TSPAN18: variants seen among roughly 807,000 people sequenced by gnomAD.
TSPAN18 encodes tetraspanin-18.
Under a neutral mutation model 27.3 loss-of-function variants are expected in TSPAN18, and 14 were observed. The observed-to-expected ratio is 0.51, with a 90% CI of 0.34 to 0.80. The LOEUF is 0.80. Ranked by LOEUF, TSPAN18 falls within the 30% of genes least tolerant of loss-of-function variation. The pLI is 0.01. For missense variants in TSPAN18, 268 were observed against 323.9 expected, an observed-to-expected ratio of 0.83 and a Z score of 1.32; for synonymous variants, 143 against 136.5, an observed-to-expected ratio of 1.05 and a Z score of -0.33.
intron 2 of TSPAN18, among the ~76,000 whole-genome samples, chr11:44,796,959 G>T (rs1044745776): frequency 6.6e-6 from 1 of 152,124 alleles, no homozygotes; most frequent in Non-Finnish European, 1.5e-5. Context: ...TTGGCTTTGA[G>T]GGTTCTGAGA....
At chr11:44,908,798 A>AGAAGGAAGGAAGGAAG (rs1564992911) in intron 4 of TSPAN18, among the ~76,000 whole-genome samples, 1 of 116,550 alleles carries the variant, frequency 8.6e-6, no homozygotes, top group African/African-American at 3.6e-5. Flanking sequence ...AAAGAAAGAA[A>AGAAGGAAGGAAGGAAG]GAAAGAAAGA....
intron 3 of TSPAN18, among the ~76,000 whole-genome samples, chr11:44,892,713 C>T (rs1407010677): frequency 1.3e-5 from 2 of 152,120 alleles, no homozygotes; most frequent in East Asian, 1.9e-4. Flanking sequence ...TGAGGGTGAC[C>T]CTGGGGATTG....
At chr11:44,791,804 C>G (rs914867254) in intron 2 of TSPAN18, among the ~76,000 whole-genome samples, 3 of 152,230 alleles carry the variant, frequency 2.0e-5, no homozygotes, top group African/African-American at 7.2e-5. Context: ...GCACTCAAGG[C>G]ACCCTCACTT....
chr11:44,802,897 A>T (rs1388247281), intron 2 of TSPAN18, among the ~76,000 whole-genome samples: 2 of 152,172 alleles, frequency 1.3e-5, no homozygotes, highest in Non-Finnish European at 2.9e-5. Flanking sequence ...TTTAACATTG[A>T]GCTGCTCTGA....
chr11:44,861,391 G>T (rs920851656), intron 3 of TSPAN18, among the ~76,000 whole-genome samples: 1 of 143,378 alleles, frequency 7.0e-6, no homozygotes, highest in African/African-American at 2.6e-5. Flanking sequence ...CGGTGCGGGG[G>T]TTGGTGGGGT....
intron 3 of TSPAN18, 50 bp from the exon 4 acceptor site, chr11:44,906,357 C>G: frequency 6.3e-7 from 1 of 1,582,850 alleles, no homozygotes. Context: ...TGGGGTTCTT[C>G]CTGGGTGGGG....
intron 2 of TSPAN18, among the ~76,000 whole-genome samples, chr11:44,849,658 C>A (rs2135185003): frequency 6.6e-6 from 1 of 150,910 alleles, no homozygotes; most frequent in East Asian, 1.9e-4. Flanking sequence ...GGATGGGTGT[C>A]CCGTCCAGGA....
chr11:44,730,890 C>G (rs969791937), intron 1 of TSPAN18, among the ~76,000 whole-genome samples: 1 of 152,148 alleles, frequency 6.6e-6, no homozygotes, highest in East Asian at 1.9e-4. Flanking sequence ...TCCCAAAGTG[C>G]TGAGATTACA....
intron 2 of TSPAN18, among the ~76,000 whole-genome samples, chr11:44,851,612 A>ACCCCCCCCCCCCCCCCC (rs1278720815): frequency 2.7e-5 from 3 of 110,786 alleles, no homozygotes; most frequent in Admixed American, 9.2e-5. Context: ...TACTCTTGTC[A>ACCCCCCCCCCCCCCCCC]CCTCCCCCCC....
chr11:44,771,237 A>G (rs1171599470), intron 2 of TSPAN18, among the ~76,000 whole-genome samples: 1 of 152,324 alleles, frequency 6.6e-6, no homozygotes, highest in Non-Finnish European at 1.5e-5. Context: ...AGAAGTGTGC[A>G]CCTTAGGCAG....
rs748956764 is a variant in TSPAN18, at chr11:44,750,011, CCTCCCCAA to C, written c.-239-14411_-239-14404del. On this transcript the variant is annotated intron_variant, in intron 1 of 9. Transcript: ENST00000520358. ...GAAGCAGGCATGGGGGCTGCTCCAC[CCTCCCCAA>C]CTCACCTCCTCACTTTGATATCTCC... is the stretch of plus-strand genomic sequence containing the variant. Among the ~76,000 whole-genome samples the C allele has an allele frequency of 6.0e-4, 91 of 152,238 alleles. 1 individual carries two copies. Among genetic ancestry groups the C allele is most frequent in the Admixed American group, 1.2e-3 (18 of 15,300 alleles).
At chr11:44,766,621 T>A (rs2134901521) in intron 2 of TSPAN18, among the ~76,000 whole-genome samples, 1 of 152,220 alleles carries the variant, frequency 6.6e-6, no homozygotes, top group South Asian at 2.1e-4. Flanking sequence ...GCAGCAGGGG[T>A]GCTGTTGTTC....
intron 3 of TSPAN18, among the ~76,000 whole-genome samples, chr11:44,896,265 T>G (rs1859045576): frequency 1.3e-5 from 2 of 152,150 alleles, no homozygotes; most frequent in Admixed American, 1.3e-4. Flanking sequence ...GAAAGCACTT[T>G]CTGTAAACGC....
At chr11:44,776,600 C>A (rs1855814449) in intron 2 of TSPAN18, among the ~76,000 whole-genome samples, 1 of 152,092 alleles carries the variant, frequency 6.6e-6, no homozygotes, top group South Asian at 2.1e-4. Context: ...GCTCTGCCGT[C>A]CTTCTTCTGA....
chr11:44,767,208 G>A (rs2134903496), intron 2 of TSPAN18, among the ~76,000 whole-genome samples: 1 of 152,338 alleles, frequency 6.6e-6, no homozygotes, highest in South Asian at 2.1e-4. Context: ...CCTCAAGTAT[G>A]AGCAGTTCAT....
chr11:44,750,965 G>A (rs964103447), intron 1 of TSPAN18, among the ~76,000 whole-genome samples: 2 of 152,236 alleles, frequency 1.3e-5, no homozygotes, highest in Admixed American at 6.5e-5. Flanking sequence ...GCTGAAAGCA[G>A]GCTGCCCTTT....
At chr11:44,829,419 T>C (rs1256630722) in intron 2 of TSPAN18, among the ~76,000 whole-genome samples, 1 of 152,236 alleles carries the variant, frequency 6.6e-6, no homozygotes, top group Non-Finnish European at 1.5e-5. Flanking sequence ...CAGAATGTCA[T>C]ATAATTGGAA....
chr11:44,790,665 A>G (rs1218439757), intron 2 of TSPAN18, among the ~76,000 whole-genome samples: 1 of 152,176 alleles, frequency 6.6e-6, no homozygotes, highest in Admixed American at 6.5e-5. Context: ...ACACAAAAGA[A>G]CATGGGATGC....
intron 8 of TSPAN18, among the ~76,000 whole-genome samples, chr11:44,926,090 C>G (rs566462386): frequency 6.6e-6 from 1 of 152,214 alleles, no homozygotes; most frequent in East Asian, 1.9e-4. Context: ...GAAAGCTGCC[C>G]GAAGGAGGTG....
Sources: allele counts gnomAD v4.1 joint callset (sites outside exome capture counted in the v4.1 genomes callset), GRCh38; gene constraint gnomAD v4.1.1; transcripts MANE v1.5; gene names NCBI Gene and HGNC (gene_info 2026-07-23, HGNC 2026-07-21).